The following GREM2 variants were observed in gnomAD, a reference collection of about 807,000 sequenced individuals.
GREM2 encodes the protein gremlin-2.
In GREM2, 11 loss-of-function variants were observed where a neutral mutation model predicts 14.2. That is an observed-to-expected ratio of 0.78 (90% CI 0.49 to 1.28). GREM2 has a LOEUF of 1.28. GREM2 is among the 50% of genes most tolerant of loss of function. GREM2 has a pLI of 0.00. For missense variants in GREM2, 210 were observed against 218.5 expected (o/e 0.96, Z 0.24); for synonymous variants, 98 against 97.6 (o/e 1.00, Z -0.02).
intron 1 of GREM2, among the ~76,000 whole-genome samples, chr1:240,505,232 T>A (rs530019115): frequency 6.6e-6 from 1 of 152,284 alleles, no homozygotes; most frequent in South Asian, 2.1e-4. Flanking sequence ...ATGACCAACA[T>A]CATGCGTCCT....
At chr1:240,583,447 T>G (rs1281431561) in intron 1 of GREM2, among the ~76,000 whole-genome samples, 1 of 152,192 alleles carries the variant, frequency 6.6e-6, no homozygotes, top group Non-Finnish European at 1.5e-5. Flanking sequence ...GTACACGATG[T>G]CAGTGCCTTT....
chr1:240,495,894 T>C (rs1677401520), intron 1 of GREM2, among the ~76,000 whole-genome samples: 1 of 152,134 alleles, frequency 6.6e-6, no homozygotes, highest in Admixed American at 6.6e-5. Context: ...ATAGGCTTTG[T>C]GAATTCCAGT....
chr1:240,599,075 C>A (rs553556002), intron 1 of GREM2, among the ~76,000 whole-genome samples: 1 of 152,016 alleles, frequency 6.6e-6, no homozygotes, highest in South Asian at 2.1e-4. Flanking sequence ...TTGAGGCCAG[C>A]CTGGCTAACA....
In GREM2 at chr1:240,510,312, C is replaced by G. The variant is rs181108982; in HGVS notation, c.-1-16836G>C. On this transcript the variant is annotated intron_variant, in intron 1 of 1. Coordinates refer to ENST00000318160, the MANE Select transcript of GREM2 (RefSeq NM_022469.4). ...GTGAACCGGGGAGGCGGAGCTTGCA[C>G]TGAGCAGAGATCGCGCCACTGCACT... 6.8e-3 allele frequency among the ~76,000 whole-genome samples: 867 copies of G among 127,050 alleles called. 3 individuals carry two copies. The highest frequency in any genetic ancestry group is 0.024 in the Middle Eastern group (5 of 208). The allele number at this position is 127,050 out of a possible 152,430, so 83.3% of individuals were successfully genotyped here.
intron 1 of GREM2, among the ~76,000 whole-genome samples, chr1:240,538,400 A>G (rs972686739): frequency 6.6e-6 from 1 of 152,104 alleles, no homozygotes; most frequent in Non-Finnish European, 1.5e-5. Flanking sequence ...TGTATTAAAG[A>G]CATGTAAAGA....
At chr1:240,577,162 C>T (rs1326899146) in intron 1 of GREM2, among the ~76,000 whole-genome samples, 1 of 152,108 alleles carries the variant, frequency 6.6e-6, no homozygotes, top group Non-Finnish European at 1.5e-5. Context: ...TTTAACTGAG[C>T]TTTAAAACCA....
chr1:240,497,406 C>G (rs892372380), intron 1 of GREM2, among the ~76,000 whole-genome samples: 8 of 152,026 alleles, frequency 5.3e-5, no homozygotes, highest in African/African-American at 1.9e-4. Context: ...TAAAAATTGC[C>G]TCACCCAATT....
At chr1:240,550,365 C>T (rs912736693) in intron 1 of GREM2, 1 of 152,026 alleles carries the variant, frequency 6.6e-6, no homozygotes, top group African/African-American at 2.4e-5. Context: ...GCCGAAACCC[C>T]CAATTAACTC....
At chr1:240,591,594 C>T (rs74149173) in intron 1 of GREM2, among the ~76,000 whole-genome samples, 13,799 of 152,166 alleles carry the variant, frequency 0.091, 674 homozygotes, top group East Asian at 0.14. Context: ...CCACCTTCAA[C>T]TTTTCTGGCC....
rs956274834 is a variant in GREM2 at position 240,491,439 on chromosome 1, C to G, written c.*1530G>C. On this transcript the variant is annotated 3_prime_UTR_variant, in exon 2 of 2. Transcript: ENST00000318160. ...TCACAGGGAAGCCTTCCTGGGGCAACTGAGCAAAGGAGCCCAGAAGAAGTA... is the reference window on the plus strand; with the variant it reads ...TCACAGGGAAGCCTTCCTGGGGCAAGTGAGCAAAGGAGCCCAGAAGAAGTA... 6.6e-6 allele frequency: 1 copy of G among 152,600 alleles called. No homozygotes were observed. Among genetic ancestry groups the G allele is most frequent in the Non-Finnish European group, 1.5e-5 (1 of 68,038 alleles). The allele number at this position is 152,600 out of a possible 1,614,324, so 9.5% of individuals were successfully genotyped here. A position where few individuals can be genotyped will look rare whatever the true frequency, so the allele number is the denominator to read the frequency against.
At chr1:240,536,702 G>T (rs1004609250) in intron 1 of GREM2, among the ~76,000 whole-genome samples, 1 of 124,582 alleles carries the variant, frequency 8.0e-6, no homozygotes, top group Non-Finnish European at 1.8e-5. Context: ...GGGGGCTGTA[G>T]ATCTGGAAGC....
rs1553275859 is a variant in GREM2, at chr1:240,547,532, T to TAGATAG, written c.-1-54057_-1-54056insCTATCT. 6.5e-3 allele frequency among the ~76,000 whole-genome samples: 788 copies of TAGATAG among 121,724 alleles called. 5 individuals are homozygous for TAGATAG. Among genetic ancestry groups the TAGATAG allele is most frequent in the South Asian group, 0.03 (117 of 3,920 alleles). 79.9% of individuals were successfully genotyped at this position (121,724 alleles called of 152,430 possible). A position where few individuals can be genotyped will look rare whatever the true frequency, so the allele number is the denominator to read the frequency against. ...AAAAAAAAATATATATATATATATA[T>TAGATAG]ATAGATAGATAGATAGATAGATAGA... On this transcript the variant is annotated intron_variant, in intron 1 of 1. Transcript: ENST00000318160.
intron 1 of GREM2, among the ~76,000 whole-genome samples, chr1:240,546,965 A>G (rs768889376): frequency 6.6e-6 from 1 of 152,212 alleles, no homozygotes; most frequent in Non-Finnish European, 1.5e-5. Flanking sequence ...ATAGACGATT[A>G]GTGCTGCAGG....
intron 1 of GREM2, among the ~76,000 whole-genome samples, chr1:240,556,666 C>T (rs987117793): frequency 6.6e-6 from 1 of 151,620 alleles, no homozygotes; most frequent in Non-Finnish European, 1.5e-5. Flanking sequence ...AAAAAGAAGA[C>T]GATACTAAGA....
intron 1 of GREM2, among the ~76,000 whole-genome samples, chr1:240,573,210 C>T (rs1458360315): frequency 6.6e-6 from 1 of 152,056 alleles, no homozygotes; most frequent in Non-Finnish European, 1.5e-5. Flanking sequence ...TGCCTGTAAT[C>T]CCAGCACTCT....
chr1:240,565,501 T>C (rs1410615411), intron 1 of GREM2, among the ~76,000 whole-genome samples: 1 of 152,142 alleles, frequency 6.6e-6, no homozygotes, highest in African/African-American at 2.4e-5. Flanking sequence ...TTTTAGGGAA[T>C]TCATACCTTT....
intron 1 of GREM2, among the ~76,000 whole-genome samples, chr1:240,538,327 C>T (rs533799310): frequency 6.6e-6 from 1 of 152,138 alleles, no homozygotes; most frequent in Non-Finnish European, 1.5e-5. Context: ...CCAACCCTTT[C>T]AGTAACCTGG....
intron 1 of GREM2, among the ~76,000 whole-genome samples, chr1:240,496,884 C>T (rs1464851965): frequency 6.6e-6 from 1 of 152,088 alleles, no homozygotes; most frequent in African/African-American, 2.4e-5. Context: ...TGGTGGCACA[C>T]ACCTGTAGTC....
intron 1 of GREM2, among the ~76,000 whole-genome samples, chr1:240,503,892 A>T (rs568325269): frequency 1.4e-4 from 22 of 152,110 alleles, no homozygotes; most frequent in Non-Finnish European, 2.6e-4. Flanking sequence ...ATTGGAAGAG[A>T]GGGGTATTTA....
Sources: gnomAD v4.1 joint callset for allele counts (sites outside exome capture counted in the v4.1 genomes callset) on GRCh38, gnomAD v4.1.1 for gene constraint, MANE v1.5 for transcripts, NCBI Gene and HGNC (gene_info 2026-07-23, HGNC 2026-07-21) for gene names.